Variants in PI15 observed in about 807,000 individuals in gnomAD.
PI15 encodes the protein peptidase inhibitor 15, also known as 25 kDa trypsin inhibitor.
Under a neutral mutation model 31.0 loss-of-function variants are expected in PI15, and 18 were observed. The ratio of observed to expected loss-of-function variants is 0.58; its 90% confidence interval spans 0.40 to 0.86. PI15 has a LOEUF of 0.86. PI15 is among the 40% of genes least tolerant of loss of function. The pLI is 0.00. For missense variants in PI15, 282 were observed against 328.1 expected, an observed-to-expected ratio of 0.86 and a Z score of 1.09; for synonymous variants, 118 against 119.1, an observed-to-expected ratio of 0.99 and a Z score of 0.06.
intron 2 of PI15, 140 bp from the exon 3 acceptor site, chr8:74,843,840 AG>A (rs71565416): frequency 0.074 from 49,218 of 663,652 alleles, 2,364 homozygotes; most frequent in African/African-American, 0.17. Flanking sequence ...ACTCCACTCC[AG>A]CCCGGGCAGA....
intron 5 of PI15, among the ~76,000 whole-genome samples, chr8:74,848,911 A>C (rs896007391): frequency 4.0e-5 from 6 of 151,770 alleles, no homozygotes; most frequent in Non-Finnish European, 7.4e-5. Flanking sequence ...TTTTTTGTAT[A>C]ATACTCAGAA....
In PI15 at chr8:74,850,439, C is replaced by T. The variant is rs62521648; in HGVS notation, c.*1186C>T. On this transcript the variant is annotated 3_prime_UTR_variant, in exon 6 of 6. Transcript: ENST00000260113. ...GAGTCTAGTACATCTTGAGGCCTCTCAGCAGGAGACAAAGGATTCCAAAAA... is the reference window on the plus strand; with the variant it reads ...GAGTCTAGTACATCTTGAGGCCTCTTAGCAGGAGACAAAGGATTCCAAAAA... 1 of 152,188 alleles carries T rather than the reference C, an allele frequency of 6.6e-6. No homozygotes were observed. The highest frequency in any genetic ancestry group is 6.5e-5 in the Admixed American group (1 of 15,278). The allele number at this position is 152,188 out of a possible 1,614,324, so 9.4% of individuals were successfully genotyped here.
chr8:74,828,681 G>T (rs1418181444), intron 2 of PI15, among the ~76,000 whole-genome samples: 1 of 152,104 alleles, frequency 6.6e-6, no homozygotes, highest in African/African-American at 2.4e-5. Context: ...ATACCTCACA[G>T]ATATATGTGC....
chr8:74,826,339 A>G (rs768074594), intron 2 of PI15: 2 of 948,274 alleles, frequency 2.1e-6, no homozygotes, highest in Non-Finnish European at 2.5e-6. Context: ...AAGACCATCA[A>G]TATGGTATTT....
rs559339240 is a variant in PI15, at chr8:74,841,770, T to C, written c.274-2211T>C. 5.6e-4 allele frequency among the ~76,000 whole-genome samples: 85 copies of C among 152,296 alleles called. 1 individual carries two copies. The highest frequency in any genetic ancestry group is 9.9e-4 in the Non-Finnish European group (67 of 68,016). ...GAATCCATATTCTGTTAATATTTGG[T>C]CAGAAGAAAAAATATTTGATAAATC... On this transcript the variant is annotated intron_variant, in intron 2 of 5. Transcript: ENST00000260113.
At chr8:74,847,882 C>G (rs529874524) in intron 5 of PI15, among the ~76,000 whole-genome samples, 2 of 151,938 alleles carry the variant, frequency 1.3e-5, no homozygotes. Flanking sequence ...TATCTTCAAC[C>G]CTGACTTTTT....
chr8:74,825,488 A>C lies in PI15; in HGVS notation c.239A>C (p.Lys80Thr), dbSNP rs772282943. The C allele has an allele frequency of 3.1e-6, 5 of 1,613,158 alleles. No homozygotes were observed. In the East Asian group the frequency reaches 1.1e-4, roughly 36 times the overall value. Residue 80 changes from lysine (K) to threonine (T), a missense_variant, in exon 2 of 6, where the codon AAA becomes ACA. Physicochemically the swap from Lys to Thr is moderately conservative, Grantham distance 78 (BLOSUM62 -1). Transcript: ENST00000260113. ...ILDYHNQVRG[K>T]VFPPAANMEY... is the part of the protein sequence containing the mutation. ...GATTATCATAATCAAGTTCGGGGCA[A>C]AGTGTTCCCACCGGCAGCAAATATG... is the stretch of plus-strand genomic sequence containing the variant.
intron 2 of PI15, among the ~76,000 whole-genome samples, chr8:74,826,807 T>G (rs557673769): frequency 6.6e-6 from 1 of 152,112 alleles, no homozygotes; most frequent in East Asian, 1.9e-4. Context: ...AATGTATGAG[T>G]TGACGAGTAA....
At chr8:74,831,013 A>C (rs1284297809) in intron 2 of PI15, among the ~76,000 whole-genome samples, 1 of 152,140 alleles carries the variant, frequency 6.6e-6, no homozygotes, top group African/African-American at 2.4e-5. Context: ...ATTTTGTAGG[A>C]ATTTTCTTCC....
intron 2 of PI15, 135 bp from the exon 3 acceptor site, chr8:74,843,846 G>A (rs997475347): frequency 1.5e-5 from 10 of 676,762 alleles, no homozygotes; most frequent in Non-Finnish European, 2.7e-5. Flanking sequence ...CTCCAGCCCG[G>A]GCAGAAAAAA....
intron 2 of PI15, among the ~76,000 whole-genome samples, chr8:74,842,310 TG>T (rs756407530): frequency 1.3e-5 from 2 of 152,154 alleles, no homozygotes; most frequent in African/African-American, 4.8e-5. Flanking sequence ...ATCATAAAAC[TG>T]TTGCTTCCTT....
At chr8:74,839,776 C>T (rs1051107636) in intron 2 of PI15, among the ~76,000 whole-genome samples, 2 of 152,128 alleles carry the variant, frequency 1.3e-5, no homozygotes, top group Non-Finnish European at 2.9e-5. Flanking sequence ...GAAATAAGTA[C>T]ACACCTGTGC....
intron 5 of PI15, 38 bp from the exon 6 acceptor site, chr8:74,849,080 G>A (rs756806200): frequency 3.8e-6 from 6 of 1,590,738 alleles, no homozygotes; most frequent in Non-Finnish European, 5.1e-6. Flanking sequence ...AAAATGGGTG[G>A]GTTGCACTAA....
At chr8:74,848,722 T>A (rs1025310264) in intron 5 of PI15, among the ~76,000 whole-genome samples, 1 of 143,058 alleles carries the variant, frequency 7.0e-6, no homozygotes, top group Non-Finnish European at 1.5e-5. Flanking sequence ...TAAATATATA[T>A]ATATATATAT....
Position 74,846,355 on chromosome 8 carries a change from A to T in PI15, c.641+858A>T, listed in dbSNP as rs183220877. On this transcript the variant is annotated intron_variant, in intron 5 of 5. Transcript: ENST00000260113. Reference sequence around the variant, plus strand: ...CTATGTTCCCCTCTTCATAATTATTAGAATGGGAAGATTTGGAAAGTAGAC... The same window carrying T: ...CTATGTTCCCCTCTTCATAATTATTTGAATGGGAAGATTTGGAAAGTAGAC... Among the ~76,000 whole-genome samples the T allele has an allele frequency of 4.6e-5, 7 of 152,356 alleles. No individual in the cohort carries two copies. In the East Asian group the frequency reaches 1.3e-3, roughly 29 times the overall value.
chr8:74,839,316 A>C (rs1382061776), intron 2 of PI15, among the ~76,000 whole-genome samples: 1 of 152,164 alleles, frequency 6.6e-6, no homozygotes, highest in Non-Finnish European at 1.5e-5. Flanking sequence ...AGCTAAATCA[A>C]CCAATTTATG....
intron 2 of PI15, among the ~76,000 whole-genome samples, chr8:74,830,192 T>A (rs1231834223): frequency 6.6e-6 from 1 of 151,304 alleles, no homozygotes; most frequent in East Asian, 1.9e-4. Flanking sequence ...GTGTCATGGG[T>A]GAGATGGCAG....
chr8:74,845,749 A>C, intron 5 of PI15: 3 of 443,426 alleles, frequency 6.8e-6, no homozygotes, highest in Non-Finnish European at 1.2e-5. Context: ...TCTCCTTACC[A>C]TATGTTTTAA....
Position 74,854,458 on chromosome 8 carries a change from T to C in PI15, c.*5205T>C, listed in dbSNP as rs1222386276. The C allele has an allele frequency of 1.3e-5, 2 of 152,098 alleles. No individual in the cohort carries two copies. The highest frequency in any genetic ancestry group is 2.9e-5 in the Non-Finnish European group (2 of 67,984). 9.4% of individuals were successfully genotyped at this position (152,098 alleles called of 1,614,324 possible). A position where few individuals can be genotyped will look rare whatever the true frequency, so the allele number is the denominator to read the frequency against. On this transcript the variant is annotated 3_prime_UTR_variant, in exon 6 of 6. Coordinates refer to ENST00000260113, the MANE Select transcript of PI15 (RefSeq NM_015886.5). ...GAATATTCTTCTCTGAGCCCTAGGA[T>C]TGATTCTATCACACAGAGCAACATT...
Sources: allele counts gnomAD v4.1 joint callset (sites outside exome capture counted in the v4.1 genomes callset), GRCh38; gene constraint gnomAD v4.1.1; transcripts MANE v1.5; gene names NCBI Gene and HGNC (gene_info 2026-07-23, HGNC 2026-07-21).